The following WDR93 variants were observed in gnomAD, a reference collection of about 807,000 sequenced individuals.
WDR93 encodes WD repeat-containing protein 93.
In WDR93, 73 loss-of-function variants were observed where a neutral mutation model predicts 82.9. That is an observed-to-expected ratio of 0.88 (90% CI 0.73 to 1.07). The LOEUF (loss-of-function observed/expected upper bound fraction) is 1.07, where lower values mean the gene tolerates loss of function less well. Ranked by LOEUF, WDR93 falls within the 50% of genes least tolerant of loss-of-function variation. The probability of loss-of-function intolerance (pLI) is 0.00; values close to 1 mark genes in which losing one functional copy is unlikely to be tolerated. For missense variants in WDR93, 738 were observed against 826.0 expected, an observed-to-expected ratio of 0.89 and a Z score of 1.31; for synonymous variants, 283 against 300.1, an observed-to-expected ratio of 0.94 and a Z score of 0.59.
At chr15:89,698,050 T>C (rs1410588756) in intron 1 of WDR93, among the ~76,000 whole-genome samples, 1 of 151,826 alleles carries the variant, frequency 6.6e-6, no homozygotes. Context: ...CGGCTGATTT[T>C]TTTTTTTGTA....
intron 13 of WDR93, 146 bp downstream of exon 13, chr15:89,733,365 T>C: frequency 2.7e-6 from 2 of 745,862 alleles, no homozygotes; most frequent in South Asian, 3.8e-5. Context: ...AGATCACCAA[T>C]GTCACATATA....
chr15:89,739,630 C>T (rs915053983), intron 16 of WDR93, among the ~76,000 whole-genome samples: 8 of 152,160 alleles, frequency 5.3e-5, no homozygotes, highest in African/African-American at 1.7e-4. Context: ...TGGGATCTGA[C>T]CACACATTTC....
chr15:89,699,432 G>A (rs1048451355), intron 1 of WDR93, among the ~76,000 whole-genome samples: 6 of 146,622 alleles, frequency 4.1e-5, no homozygotes, highest in African/African-American at 1.5e-4. Context: ...TTCTTCTTCT[G>A]GCTGCTTTCA....
At chr15:89,690,644 C>G, upstream of WDR93, 3 of 1,550,140 alleles carry the variant, frequency 1.9e-6, no homozygotes, top group South Asian at 2.4e-5. Context: ...GCTTCTAGCC[C>G]AAAGGCCACG....
chr15:89,729,878 G>A, intron 11 of WDR93, 109 bp downstream of exon 11: 1 of 925,738 alleles, frequency 1.1e-6, no homozygotes, highest in South Asian at 1.4e-5. Flanking sequence ...TCACTTTAGG[G>A]ACCAGATCTA....
chr15:89,717,030 CTT>C, intron 7 of WDR93, 81 bp downstream of exon 7: 1 of 409,800 alleles, frequency 2.4e-6, no homozygotes, highest in Non-Finnish European at 4.0e-6. Context: ...TTTTTCTTTT[CTT>C]TTCTTTTTCT....
chr15:89,725,475 A>C (rs1966696662), intron 8 of WDR93, among the ~76,000 whole-genome samples: 1 of 151,524 alleles, frequency 6.6e-6, no homozygotes, highest in African/African-American at 2.4e-5. Context: ...AGTGGTTGCC[A>C]CTCTTCCCAG....
intron 1 of WDR93, among the ~76,000 whole-genome samples, chr15:89,691,634 C>T (rs1419910737): frequency 6.6e-6 from 1 of 152,138 alleles, no homozygotes; most frequent in Admixed American, 6.5e-5. Flanking sequence ...GCAGGAGAAT[C>T]GCTGGAACCC....
At chr15:89,739,037 A>G (rs1596131650) in intron 16 of WDR93, among the ~76,000 whole-genome samples, 1 of 151,230 alleles carries the variant, frequency 6.6e-6, no homozygotes, top group Non-Finnish European at 1.5e-5. Flanking sequence ...AATTGCTTGA[A>G]CCTGGGAGGC....
chr15:89,719,700 G>A lies in WDR93; in HGVS notation c.796-2355G>A, dbSNP rs149332653. On this transcript the variant is annotated intron_variant, in intron 7 of 16. Transcript: ENST00000268130. ...ATATATTTTTCCCTATTGTTTTTCTGTTTTCTATCTCACTGATTTCCAGTT... is the reference window on the plus strand; with the variant it reads ...ATATATTTTTCCCTATTGTTTTTCTATTTTCTATCTCACTGATTTCCAGTT... 4.6e-5 allele frequency: 7 copies of A among 151,302 alleles called. No homozygotes were observed. The East Asian group carries it at 1.4e-3, about 29-fold the overall frequency. The allele number at this position is 151,302 out of a possible 1,614,324, so 9.4% of individuals were successfully genotyped here. A position where few individuals can be genotyped will look rare whatever the true frequency, so the allele number is the denominator to read the frequency against.
chr15:89,731,684 G>A, intron 12 of WDR93, 122 bp downstream of exon 12: 1 of 1,344,716 alleles, frequency 7.4e-7, no homozygotes. Context: ...AAGTCACCTT[G>A]GGGAACTGGT....
chr15:89,692,072 G>A (rs8037663), intron 1 of WDR93, among the ~76,000 whole-genome samples: 126,569 of 152,076 alleles, frequency 0.83, 53,987 homozygotes, highest in Middle Eastern at 0.95. Flanking sequence ...GTGCCCACCT[G>A]CATTCCCTGC....
In WDR93 at chr15:89,733,065, C is replaced by A. The variant is rs765731504; in HGVS notation, c.1390C>A (p.Leu464Ile). The change falls in exon 13 of 17, where the codon CTA becomes ATA. Residue 464 changes from leucine to isoleucine, a missense_variant. Transcript: ENST00000268130. ...QGCFCQSIHFLKYFSVHKGQN... is the reference protein window; with the variant it reads ...QGCFCQSIHFIKYFSVHKGQN... ...ATGTTTCTGCCAAAGCATTCACTTCCTAAAATATTTCTCGGTCCACAAAGG... is the reference window on the plus strand; with the variant it reads ...ATGTTTCTGCCAAAGCATTCACTTCATAAAATATTTCTCGGTCCACAAAGG... 1 of 1,614,198 alleles carries A rather than the reference C, an allele frequency of 6.2e-7. No homozygotes were observed. Among genetic ancestry groups the A allele is most frequent in the Admixed American group, 1.7e-5 (1 of 60,012 alleles).
intron 14 of WDR93, among the ~76,000 whole-genome samples, chr15:89,735,935 A>T (rs1190757318): frequency 1.3e-5 from 2 of 152,206 alleles, no homozygotes; most frequent in Non-Finnish European, 2.9e-5. Flanking sequence ...CCATGGAGGC[A>T]AGAGAGCACC....
rs554068777 is a variant in WDR93, at chr15:89,703,152, T to G, written c.496+10T>G. ...CCTGTGGATGAAATGGGTATTGTTCTTCATCTTCCTTTTTAGCCTCATTTA... is the reference window on the plus strand; with the variant it reads ...CCTGTGGATGAAATGGGTATTGTTCGTCATCTTCCTTTTTAGCCTCATTTA... On this transcript the variant is annotated intron_variant, in intron 3 of 16. Transcript: ENST00000268130. 23 of 1,613,948 alleles carry G rather than the reference T, an allele frequency of 1.4e-5. No homozygotes were observed. Among genetic ancestry groups the G allele is most frequent in the Non-Finnish European group, 1.9e-5 (23 of 1,179,930 alleles).
rs1308007676 is a variant in WDR93 at position 89,731,451 on chromosome 15, G to A, written c.1219G>A (p.Gly407Ser). ...ATTGTCCTTCCCCCTAGACCCCGAG[G>A]GTGTGTGGCCCTGTGCTGCGCCCAT... ...RTLKDKADPE[G>S]VWPCAAPIAV... Residue 407 changes from glycine (G) to serine (S), a missense_variant, in exon 12 of 17, where the codon GGT becomes AGT. Transcript: ENST00000268130. 2 of 1,614,156 alleles carry A rather than the reference G, an allele frequency of 1.2e-6. No homozygotes were observed. The highest frequency in any genetic ancestry group is 8.5e-7 in the Non-Finnish European group (1 of 1,180,016).
intron 1 of WDR93, among the ~76,000 whole-genome samples, chr15:89,691,376 C>G (rs920090735): frequency 2.6e-5 from 4 of 152,188 alleles, no homozygotes; most frequent in African/African-American, 7.2e-5. Flanking sequence ...AGAAAAGGAG[C>G]CTTACCCACT....
At chr15:89,736,987 T>A (rs913138078) in intron 14 of WDR93, among the ~76,000 whole-genome samples, 1 of 152,094 alleles carries the variant, frequency 6.6e-6, no homozygotes, top group African/African-American at 2.4e-5. Context: ...GAGACGAGGT[T>A]TCACCGTGTT....
intron 9 of WDR93, 42 bp from the exon 10 acceptor site, chr15:89,728,981 G>C (rs760837885): frequency 3.2e-6 from 5 of 1,551,758 alleles, no homozygotes; most frequent in Non-Finnish European, 4.5e-6. Context: ...CTCCTTGCCA[G>C]GGAGTCTACA....
Sources: gnomAD v4.1 joint callset for allele counts (sites outside exome capture counted in the v4.1 genomes callset) on GRCh38, gnomAD v4.1.1 for gene constraint, MANE v1.5 for transcripts, NCBI Gene and HGNC (gene_info 2026-07-23, HGNC 2026-07-21) for gene names.